The following ZNF208 variants were observed in gnomAD, a reference collection of about 807,000 sequenced individuals.
The protein encoded by ZNF208 is zinc finger protein 95.
ZNF208 carries 10 observed loss-of-function variants against 12.1 expected under a neutral mutation model. That is an observed-to-expected ratio of 0.83 (90% CI 0.51 to 1.40). The LOEUF (loss-of-function observed/expected upper bound fraction) is 1.40, where lower values mean the gene tolerates loss of function less well. ZNF208 is among the 40% of genes most tolerant of loss of function. The pLI, the probability that ZNF208 is intolerant of heterozygous loss-of-function variation, is 0.00. For missense variants in ZNF208, 1,652 were observed against 1,485.0 expected, an observed-to-expected ratio of 1.11 and a Z score of -1.85; for synonymous variants, 497 against 488.4, an observed-to-expected ratio of 1.02 and a Z score of -0.23.
Position 21,971,144 on chromosome 19 carries a change from C to G in ZNF208, c.*47G>C. Reference sequence around the variant, plus strand: ...TCCAGTATGAATTTTCTTATGATAACTAAGGGTTGAGGGCCACTTATAGGC... The same window carrying G: ...TCCAGTATGAATTTTCTTATGATAAGTAAGGGTTGAGGGCCACTTATAGGC... On this transcript the variant is annotated 3_prime_UTR_variant, in exon 4 of 4. Coordinates refer to ENST00000397126, the MANE Select transcript of ZNF208 (RefSeq NM_007153.3). The G allele has an allele frequency of 1.9e-6, 3 of 1,612,156 alleles. No individual in the cohort carries two copies. Among genetic ancestry groups the G allele is most frequent in the African/African-American group, 1.3e-5 (1 of 74,804 alleles).
chr19:22,004,615 G>C (rs1258398864), intron 1 of ZNF208, among the ~76,000 whole-genome samples: 4 of 152,086 alleles, frequency 2.6e-5, no homozygotes, highest in African/African-American at 9.7e-5. Context: ...TATGTCCTTT[G>C]CAGCAACATG....
Position 21,972,506 on chromosome 19 carries a change from C to T in ZNF208, c.2528G>A (p.Ser843Asn). 3 of 1,611,448 alleles carry T rather than the reference C, an allele frequency of 1.9e-6. No homozygotes were observed. The highest frequency in any genetic ancestry group is 1.3e-5 in the African/African-American group (1 of 74,256). The change falls in exon 4 of 4, where the codon AGT becomes AAT. Residue 843 changes from serine (S) to asparagine (N), a missense_variant. Ser to Asn is a conservative substitution (Grantham distance 46). Transcript: ENST00000397126. ...YKCKECGKAFSKFSILTKHKV... is the reference protein window; with the variant it reads ...YKCKECGKAFNKFSILTKHKV... ...ATGTTTAGTAAGGATTGAGAACTTA[C>T]TAAAGGCTTTGCCACATTCTTTACA...
intron 4 of ZNF208, among the ~76,000 whole-genome samples, chr19:21,946,620 A>G (rs1216454333): frequency 1.3e-5 from 2 of 152,204 alleles, no homozygotes; most frequent in Non-Finnish European, 2.9e-5. Context: ...TGCACTGATA[A>G]AACTATAACA....
intron 3 of ZNF208, among the ~76,000 whole-genome samples, chr19:21,977,239 A>G (rs1428713113): frequency 2.0e-5 from 3 of 152,224 alleles, no homozygotes; most frequent in Non-Finnish European, 4.4e-5. Flanking sequence ...GTAGGATATT[A>G]TTACACCACA....
chr19:22,001,548 C>A (rs1331879055), intron 1 of ZNF208, among the ~76,000 whole-genome samples: 4 of 151,660 alleles, frequency 2.6e-5, no homozygotes, highest in African/African-American at 9.7e-5. Flanking sequence ...AGAGATAAAA[C>A]AAAAAAAGGC....
chr19:22,001,223 T>G (rs1212758691), intron 1 of ZNF208, among the ~76,000 whole-genome samples: 2 of 152,090 alleles, frequency 1.3e-5, no homozygotes, highest in Non-Finnish European at 2.9e-5. Flanking sequence ...AGGCGGAGGT[T>G]GCGGTGAGCC....
intron 4 of ZNF208, among the ~76,000 whole-genome samples, chr19:21,947,771 G>A (rs1969835399): frequency 6.6e-6 from 1 of 152,130 alleles, no homozygotes; most frequent in South Asian, 2.1e-4. Flanking sequence ...GTTTTCCTGG[G>A]GCCATAGCAG....
chr19:21,963,986 A>C (rs1292886335), downstream of ZNF208, among the ~76,000 whole-genome samples: 3 of 151,986 alleles, frequency 2.0e-5, no homozygotes, highest in Admixed American at 6.6e-5. Context: ...AACTAAGAGT[A>C]AATTTCAAAT....
chr19:21,963,975 T>C (rs1379716976), downstream of ZNF208, among the ~76,000 whole-genome samples: 2 of 152,000 alleles, frequency 1.3e-5, no homozygotes, highest in East Asian at 1.9e-4. Context: ...TATTTCAAAA[T>C]AACTAAGAGT....
At chr19:21,996,902 G>A (rs1003778846) in intron 1 of ZNF208, among the ~76,000 whole-genome samples, 5 of 152,174 alleles carry the variant, frequency 3.3e-5, no homozygotes, top group South Asian at 2.1e-4. Context: ...TACCAAGTAC[G>A]TAGAGACACA....
chr19:22,010,509 T>C (rs1971126720), intron 1 of ZNF208, among the ~76,000 whole-genome samples: 1 of 152,212 alleles, frequency 6.6e-6, no homozygotes, highest in African/African-American at 2.4e-5. Flanking sequence ...TCATGGTCCC[T>C]GCACATCTGG....
At chr19:22,002,531 T>C (rs1970971075) in intron 1 of ZNF208, among the ~76,000 whole-genome samples, 1 of 151,934 alleles carries the variant, frequency 6.6e-6, no homozygotes, top group Non-Finnish European at 1.5e-5. Context: ...CAAAAATTAG[T>C]AGCAACCCTA....
intron 3 of ZNF208, among the ~76,000 whole-genome samples, chr19:21,983,188 T>C (rs1331173400): frequency 6.6e-6 from 1 of 150,468 alleles, no homozygotes; most frequent in Non-Finnish European, 1.5e-5. Flanking sequence ...CATCAAAAAG[T>C]AGGCAAAGGA....
intron 4 of ZNF208, chr19:21,939,946 A>C (rs1172492232): frequency 1.3e-5 from 2 of 152,212 alleles, no homozygotes; most frequent in Admixed American, 1.3e-4. Flanking sequence ...TATTGGTTCT[A>C]CCTAGGTAGA....
intron 1 of ZNF208, chr19:21,998,828 A>T (rs1970887718): frequency 6.6e-6 from 1 of 152,192 alleles, no homozygotes; most frequent in Non-Finnish European, 1.5e-5. Flanking sequence ...ATATCTGACA[A>T]CTTCCACCAG....
intron 3 of ZNF208, among the ~76,000 whole-genome samples, chr19:21,976,649 C>T (rs1335107965): frequency 6.6e-6 from 1 of 152,176 alleles, no homozygotes; most frequent in Non-Finnish European, 1.5e-5. Context: ...GAACCTCTGC[C>T]TCCCAGGTTC....
rs1429691037 is a variant in ZNF208, at chr19:21,971,677, G to C, written c.3357C>G (p.Gly1119=). ...GGATTGAGAACGTACTAAAGCTTTT[G>C]CCACATTCTTCACATTTGTAGGGTT... The part of the protein sequence containing the change: ...GEKPYKCEEC[G]KSFSTFSILT... Residue 1119 remains glycine (G), a synonymous_variant, in exon 4 of 4, where the codon GGC becomes GGG. Coordinates refer to ENST00000397126, the MANE Select transcript of ZNF208 (RefSeq NM_007153.3). 6.2e-7 allele frequency: 1 copy of C among 1,613,542 alleles called. No individual in the cohort carries two copies. Among genetic ancestry groups the C allele is most frequent in the African/African-American group, 1.3e-5 (1 of 74,822 alleles).
chr19:21,972,846 A>C lies in ZNF208; in HGVS notation c.2188T>G (p.Phe730Val), dbSNP rs375768315. 2.9e-5 allele frequency: 47 copies of C among 1,612,792 alleles called. No individual in the cohort carries two copies. Among genetic ancestry groups the C allele is most frequent in the Non-Finnish European group, 3.9e-5 (46 of 1,179,870 alleles). ...TTAGTAAGGACTGAGAATGTACTAA[A>C]GCTTTTGCCACATTCTTCACATTTG... ...PYKCEECGKS[F>V]STFSVLTKHK... The change falls in exon 4 of 4, where the codon TTT (phenylalanine) becomes GTT (valine). Residue 730 changes from phenylalanine (F) to valine (V), a missense_variant. By Grantham distance (50) the Phe-to-Val change is conservative (BLOSUM62 -1). Coordinates refer to ENST00000397126, the MANE Select transcript of ZNF208 (RefSeq NM_007153.3).
At chr19:21,962,973 G>C (rs1338746581), downstream of ZNF208, among the ~76,000 whole-genome samples, 2 of 151,954 alleles carry the variant, frequency 1.3e-5, no homozygotes, top group Non-Finnish European at 2.9e-5. Flanking sequence ...CTCATCTACG[G>C]TTATAAAACA....
Sources: allele counts gnomAD v4.1 joint callset (sites outside exome capture counted in the v4.1 genomes callset), GRCh38; gene constraint gnomAD v4.1.1; transcripts MANE v1.5; gene names NCBI Gene and HGNC (gene_info 2026-07-23, HGNC 2026-07-21).